The following MMAB variants were observed in gnomAD, a reference collection of about 807,000 sequenced individuals.
MMAB encodes corrinoid adenosyltransferase MMAB.
MMAB carries 17 observed loss-of-function variants against 30.6 expected under a neutral mutation model. That is an observed-to-expected ratio of 0.56 (90% confidence interval 0.38 to 0.83). The LOEUF (loss-of-function observed/expected upper bound fraction) is 0.83. MMAB is among the 40% of genes least tolerant of loss of function. The pLI is 0.00. For synonymous variants in MMAB, 134 were observed against 138.6 expected, an observed-to-expected ratio of 0.97 and a Z score of 0.23; for missense variants, 311 against 331.6, an observed-to-expected ratio of 0.94 and a Z score of 0.48.
intron 4 of MMAB, among the ~76,000 whole-genome samples, chr12:109,563,298 C>A (rs1884281583): frequency 6.6e-6 from 1 of 152,354 alleles, no homozygotes; most frequent in South Asian, 2.1e-4. Flanking sequence ...GGCAAGTCAG[C>A]CTTTCTGAGG....
chr12:109,557,274 C>T (rs1343462973), intron 8 of MMAB, 138 bp from the exon 9 acceptor site: 2 of 713,578 alleles, frequency 2.8e-6, no homozygotes, highest in East Asian at 5.4e-5. Context: ...AGGGCGGGGG[C>T]CCAGCCATCT....
At chr12:109,572,411 ATT>A (rs34992643) in intron 1 of MMAB, among the ~76,000 whole-genome samples, 3 of 119,054 alleles carry the variant, frequency 2.5e-5, no homozygotes, top group African/African-American at 3.4e-5. Context: ...CACCCAGCTA[ATT>A]TTTTTTTTTT....
intron 2 of MMAB, among the ~76,000 whole-genome samples, chr12:109,570,930 C>A (rs916713764): frequency 2.0e-5 from 3 of 147,092 alleles, no homozygotes; most frequent in African/African-American, 7.5e-5. Context: ...TTACTTTTTT[C>A]TATATAACAT....
chr12:109,565,235 G>A, intron 3 of MMAB, 59 bp from the exon 4 acceptor site: 3 of 1,312,098 alleles, frequency 2.3e-6, no homozygotes, highest in Non-Finnish European at 2.2e-6. Context: ...GCCCTGTCTT[G>A]CCATAAACAA....
Position 109,558,631 on chromosome 12 carries a change from G to C in MMAB, c.644+465C>G, listed in dbSNP as rs773878914. 2.6e-5 allele frequency among the ~76,000 whole-genome samples: 4 copies of C among 152,024 alleles called. No individual in the cohort carries two copies. Among genetic ancestry groups the C allele is most frequent in the Admixed American group, 1.3e-4 (2 of 15,266 alleles). On this transcript the variant is annotated intron_variant, in intron 8 of 8. Transcript: ENST00000545712. The surrounding 1 kb of genome is among the most constrained non-coding windows in gnomAD (Gnocchi z 4.3). ...CCCTGGGCTAGCCTGGCTCACTGGG[G>C]CCTGCATGGGGTCCCCTGAGCGCAG...
In MMAB at chr12:109,561,209, T is replaced by C. The variant is rs775694324; in HGVS notation, c.520-105A>G. On this transcript the variant is annotated intron_variant, in intron 6 of 8. Coordinates refer to ENST00000545712, the MANE Select transcript of MMAB (RefSeq NM_052845.4). This position sits in a 1 kb window ranked among gnomAD's most constrained non-coding sequence, Gnocchi z 5.3. ...CCCTGCCCCCCAAACCGGGCAGTGT[T>C]CTGCCTCCAGGAGCCCTGCCACGGC... 1 of 1,596,036 alleles carries C rather than the reference T, an allele frequency of 6.3e-7. No individual in the cohort carries two copies. Among genetic ancestry groups the C allele is most frequent in the African/African-American group, 1.3e-5 (1 of 74,978 alleles).
chr12:109,572,951 T>C (rs72651716), intron 1 of MMAB, among the ~76,000 whole-genome samples: 1 of 152,234 alleles, frequency 6.6e-6, no homozygotes, highest in Non-Finnish European at 1.5e-5. Flanking sequence ...AATTAATCCA[T>C]TATTAATCCA....
At chr12:109,563,371 G>A (rs150739641) in intron 4 of MMAB, among the ~76,000 whole-genome samples, 50 of 152,332 alleles carry the variant, frequency 3.3e-4, no homozygotes, top group African/African-American at 1.1e-3. Flanking sequence ...CTGTGAGGGT[G>A]AAATGGGTGA....
chr12:109,556,727 G>T lies in MMAB; in HGVS notation c.*301C>A. 1 of 503,360 alleles carries T rather than the reference G, an allele frequency of 2.0e-6. No individual in the cohort carries two copies. Among genetic ancestry groups the T allele is most frequent in the South Asian group, 1.5e-5 (1 of 64,900 alleles). 31.2% of individuals were successfully genotyped at this position (503,360 alleles called of 1,614,324 possible). ...CCTTTCCAACTTTTATTCCTTTTCC[G>T]CACAGCTCCTTCTCATTGCAGCAAT... On this transcript the variant is annotated 3_prime_UTR_variant, in exon 9 of 9. Coordinates refer to ENST00000545712, the MANE Select transcript of MMAB (RefSeq NM_052845.4).
intron 7 of MMAB, 46 bp downstream of exon 7, chr12:109,560,994 C>T (rs760233865): frequency 2.6e-6 from 2 of 768,500 alleles, no homozygotes; most frequent in Non-Finnish European, 4.2e-6. Flanking sequence ...CCCCCTTGTT[C>T]CTCTCCCTCT....
intron 4 of MMAB, among the ~76,000 whole-genome samples, chr12:109,563,644 G>T (rs536752912): frequency 2.0e-5 from 3 of 152,358 alleles, no homozygotes; most frequent in Non-Finnish European, 4.4e-5. Flanking sequence ...TGACAGCTGC[G>T]ACCCAACGCG....
At chr12:109,564,391 T>TG (rs897392549) in intron 4 of MMAB, among the ~76,000 whole-genome samples, 1 of 151,136 alleles carries the variant, frequency 6.6e-6, no homozygotes, top group Non-Finnish European at 1.5e-5. Flanking sequence ...TTTTTTTTTT[T>TG]TTTTTTTTTA....
chr12:109,568,021 G>A (rs531470760), intron 3 of MMAB: 2 of 152,268 alleles, frequency 1.3e-5, no homozygotes, highest in African/African-American at 2.4e-5. Flanking sequence ...TATATTTCAA[G>A]TCATCATGGT....
intron 4 of MMAB, among the ~76,000 whole-genome samples, chr12:109,562,508 TG>T (rs976256319): frequency 5.9e-5 from 9 of 152,112 alleles, no homozygotes; most frequent in African/African-American, 2.2e-4. Context: ...AAGGCTCCCA[TG>T]GGGGCAGCAG....
At chr12:109,571,577 G>T in intron 2 of MMAB, 72 bp downstream of exon 2, 5 of 1,435,402 alleles carry the variant, frequency 3.5e-6, no homozygotes, top group Non-Finnish European at 4.9e-6. Context: ...TGGCTGCAAA[G>T]AATTTGGAAG....
Position 109,553,831 on chromosome 12 carries a change from CTGAA to C in MMAB, c.*3193_*3196del, listed in dbSNP as rs72650174. On this transcript the variant is annotated 3_prime_UTR_variant, in exon 9 of 9. Coordinates refer to ENST00000545712, the MANE Select transcript of MMAB (RefSeq NM_052845.4). ...TCACTGGGACAGGGCGATCATAAAA[CTGAA>C]TGGGCTGTCGGAAGGTGTCGAGGCA... 8.8e-6 allele frequency: 4 copies of C among 453,498 alleles called. No individual in the cohort carries two copies. Among genetic ancestry groups the C allele is most frequent in the Non-Finnish European group, 8.8e-6 (2 of 226,312 alleles). The allele number at this position is 453,498 out of a possible 1,614,324, so 28.1% of individuals were successfully genotyped here.
Position 109,561,016 on chromosome 12 carries a change from T to C in MMAB, c.584+24A>G, listed in dbSNP as rs78599682. On this transcript the variant is annotated intron_variant, in intron 7 of 8. Transcript: ENST00000545712. This position sits in a 1 kb window ranked among gnomAD's most constrained non-coding sequence, Gnocchi z 5.3. ...GTTCCTCTCCCTCTCCCTTGGGCCC[T>C]CTCCCTCTCTCCAGCCCTCTTACCG... 0.098 allele frequency: 109,607 copies of C among 1,118,204 alleles called. 4,169 individuals carry two copies. Among genetic ancestry groups the C allele is most frequent in the Middle Eastern group, 0.13 (594 of 4,604 alleles). 69.3% of individuals were successfully genotyped at this position (1,118,204 alleles called of 1,614,324 possible).
chr12:109,560,478 T>C (rs1044854801), intron 7 of MMAB, among the ~76,000 whole-genome samples: 3 of 152,216 alleles, frequency 2.0e-5, no homozygotes, highest in Non-Finnish European at 2.9e-5. Flanking sequence ...GGTCTCTGAG[T>C]GGTGTAGATA....
intron 7 of MMAB, among the ~76,000 whole-genome samples, chr12:109,559,700 C>T (rs1884123087): frequency 6.6e-6 from 1 of 152,234 alleles, no homozygotes; most frequent in African/African-American, 2.4e-5. Flanking sequence ...CTGCTGGGCA[C>T]CAGTGTGGTG....
Sources: gnomAD v4.1 joint callset for allele counts (sites outside exome capture counted in the v4.1 genomes callset) on GRCh38, gnomAD v4.1.1 for gene constraint, Gnocchi (gnomAD v3.1) non-coding constraint, MANE v1.5 for transcripts, NCBI Gene and HGNC (gene_info 2026-07-23, HGNC 2026-07-21) for gene names.